The following SKAP1 variants were observed in gnomAD, a reference collection of about 807,000 sequenced individuals.
SKAP1 encodes the protein src kinase-associated phosphoprotein 1.
SKAP1 carries 44 observed loss-of-function variants against 58.5 expected under a neutral mutation model. The ratio of observed to expected loss-of-function variants is 0.75; its 90% CI spans 0.59 to 0.97. SKAP1 has a LOEUF of 0.97. Among genes scored for constraint, SKAP1 ranks in the 50% least tolerant of loss-of-function variants. The pLI, the probability that SKAP1 is intolerant of heterozygous loss-of-function variation, is 0.00. For synonymous variants in SKAP1, 127 were observed against 149.7 expected (o/e 0.85, Z 1.11); for missense variants, 390 against 435.2 (o/e 0.90, Z 0.92).
intron 9 of SKAP1, among the ~76,000 whole-genome samples, chr17:48,171,942 C>G (rs1012797933): frequency 6.6e-6 from 1 of 152,012 alleles, no homozygotes; most frequent in African/African-American, 2.4e-5. Context: ...CGCCTGTAAC[C>G]CCGGCTACTC....
At chr17:48,184,913 T>G (rs1310268662) in intron 6 of SKAP1, 66 bp from the exon 7 acceptor site, 1 of 1,501,084 alleles carries the variant, frequency 6.7e-7, no homozygotes. Context: ...GCATCCTCTC[T>G]GGTATGTAAA....
At chr17:48,265,102 G>A (rs1355808101) in intron 4 of SKAP1, among the ~76,000 whole-genome samples, 4 of 152,144 alleles carry the variant, frequency 2.6e-5, no homozygotes, top group Non-Finnish European at 4.4e-5. Context: ...TCTGTGGTGG[G>A]ATTTAATGAA....
At chr17:48,257,628 C>CTTTTTTTTTTTTTTTTTTTTTTTTTTT (rs56225931) in intron 4 of SKAP1, among the ~76,000 whole-genome samples, 47 of 111,140 alleles carry the variant, frequency 4.2e-4, no homozygotes, top group Non-Finnish European at 6.1e-4. Flanking sequence ...TTCTTTCTTT[C>CTTTTTTTTTTTTTTTTTTTTTTTTTTT]TTTTTTTTTT....
Position 48,270,332 on chromosome 17 carries a change from T to A in SKAP1, c.280+75573A>T, listed in dbSNP as rs116168039. 3.5e-3 allele frequency among the ~76,000 whole-genome samples: 529 copies of A among 152,158 alleles called. 4 individuals carry two copies. Among genetic ancestry groups the A allele is most frequent in the African/African-American group, 0.012 (494 of 41,538 alleles). On this transcript the variant is annotated intron_variant, in intron 4 of 12. Transcript: ENST00000336915. Reference sequence around the variant, plus strand: ...AGTCAGTCTTTAAAAATTTTTTAAATTAATTTAATTTTATTATTTATTTAT... The same window carrying A: ...AGTCAGTCTTTAAAAATTTTTTAAAATAATTTAATTTTATTATTTATTTAT...
chr17:48,394,453 T>C (rs1350484286), intron 2 of SKAP1, among the ~76,000 whole-genome samples: 1 of 151,978 alleles, frequency 6.6e-6, no homozygotes, highest in Non-Finnish European at 1.5e-5. Flanking sequence ...GTGATCCTCC[T>C]ACCTCAGCCT....
At chr17:48,389,214 T>C (rs919609570) in intron 2 of SKAP1, among the ~76,000 whole-genome samples, 4 of 152,276 alleles carry the variant, frequency 2.6e-5, no homozygotes, top group Non-Finnish European at 5.9e-5. Context: ...GCTGTAGTAC[T>C]ACTGGTTTGT....
chr17:48,337,710 C>T (rs1474829553), intron 4 of SKAP1, among the ~76,000 whole-genome samples: 2 of 152,116 alleles, frequency 1.3e-5, no homozygotes, highest in African/African-American at 4.8e-5. Flanking sequence ...ATACCACTTC[C>T]AAATCATCCT....
intron 11 of SKAP1, among the ~76,000 whole-genome samples, chr17:48,160,863 C>A (rs1244487888): frequency 6.6e-6 from 1 of 152,232 alleles, no homozygotes; most frequent in Non-Finnish European, 1.5e-5. Context: ...AATTCTATTA[C>A]ACGGCAAACC....
At chr17:48,219,043 C>G in intron 4 of SKAP1, among the ~76,000 whole-genome samples, 1 of 152,216 alleles carries the variant, frequency 6.6e-6, no homozygotes, top group South Asian at 2.1e-4. Context: ...TAGTATTTAT[C>G]TAATAGTATA....
intron 2 of SKAP1, among the ~76,000 whole-genome samples, chr17:48,392,064 C>T (rs1269864684): frequency 6.6e-6 from 1 of 151,990 alleles, no homozygotes; most frequent in African/African-American, 2.4e-5. Context: ...AACTCTTGCT[C>T]CCAAGAGTTT....
chr17:48,245,408 T>C (rs2065285109), intron 4 of SKAP1, among the ~76,000 whole-genome samples: 2 of 152,212 alleles, frequency 1.3e-5, no homozygotes, highest in Admixed American at 6.5e-5. Flanking sequence ...AAGTAGACTT[T>C]TGCTCCAACA....
At chr17:48,147,137 A>G (rs1382777516) in intron 11 of SKAP1, among the ~76,000 whole-genome samples, 9 of 152,348 alleles carry the variant, frequency 5.9e-5, no homozygotes, top group Admixed American at 3.9e-4. Context: ...TCTTTTTACC[A>G]TAAAAGTTCC....
At chr17:48,388,604 T>C (rs7213936) in intron 2 of SKAP1, among the ~76,000 whole-genome samples, 14,022 of 152,214 alleles carry the variant, frequency 0.092, 988 homozygotes, top group African/African-American at 0.17. Flanking sequence ...TATTATTTTT[T>C]ATACATTCCA....
chr17:48,189,805 G>A (rs1409774558), intron 4 of SKAP1, among the ~76,000 whole-genome samples: 1 of 151,770 alleles, frequency 6.6e-6, no homozygotes, highest in Non-Finnish European at 1.5e-5. Flanking sequence ...CTCCCAGGTA[G>A]CTGAGACTAC....
At chr17:48,277,056 A>G (rs2065709734) in intron 4 of SKAP1, among the ~76,000 whole-genome samples, 1 of 152,258 alleles carries the variant, frequency 6.6e-6, no homozygotes. Flanking sequence ...TAATATGGTC[A>G]ATAAGCATCA....
chr17:48,162,493 A>G lies in SKAP1; in HGVS notation c.954T>C (p.Gly318=), dbSNP rs866538358. 5.6e-6 allele frequency: 9 copies of G among 1,613,846 alleles called. No individual in the cohort carries two copies. Among genetic ancestry groups the G allele is most frequent in the Middle Eastern group, 1.6e-4 (1 of 6,080 alleles). Residue 318 remains glycine (G), a synonymous_variant, in exon 11 of 13, where the codon GGT becomes GGC. Transcript: ENST00000336915. The stretch of plus-strand genomic sequence containing the variant: ...CCTTGCTCAGAATACGGATGAGGTC[A>G]CCCCGTTGGAAGGACAGTTCATCTG... ...DQPDELSFQR[G]DLIRILSKEY... is the part of the protein sequence containing the mutation.
At chr17:48,210,411 G>A (rs1184673848) in intron 4 of SKAP1, among the ~76,000 whole-genome samples, 1 of 152,150 alleles carries the variant, frequency 6.6e-6, no homozygotes, top group African/African-American at 2.4e-5. Flanking sequence ...CTCACCTAGG[G>A]CTAAGAACCA....
intron 6 of SKAP1, 79 bp from the exon 7 acceptor site, chr17:48,184,926 A>G (rs1205852124): frequency 1.4e-6 from 2 of 1,408,940 alleles, no homozygotes; most frequent in East Asian, 2.3e-5. Flanking sequence ...TATGTAAAAT[A>G]AAAGCACAGA....
In SKAP1 at chr17:48,370,577, G is replaced by A. The variant is rs1196633440; in HGVS notation, c.153-6763C>T. Among the ~76,000 whole-genome samples the A allele has an allele frequency of 3.9e-5, 6 of 152,216 alleles. No homozygotes were observed. In the East Asian group the frequency reaches 7.7e-4, roughly 20 times the overall value. On this transcript the variant is annotated intron_variant, in intron 2 of 12. Coordinates refer to ENST00000336915, the MANE Select transcript of SKAP1 (RefSeq NM_003726.4). Reference sequence around the variant, plus strand: ...CACCCAAAGTGCTCGGATTACAAGCGTGAGCCACCACACCTGGCCAGAATG... The same window carrying A: ...CACCCAAAGTGCTCGGATTACAAGCATGAGCCACCACACCTGGCCAGAATG...
Sources: allele counts gnomAD v4.1 joint callset (sites outside exome capture counted in the v4.1 genomes callset), GRCh38; gene constraint gnomAD v4.1.1; transcripts MANE v1.5; gene names NCBI Gene and HGNC (gene_info 2026-07-23, HGNC 2026-07-21).